Variants in LINGO2 observed in about 807,000 individuals in gnomAD.
The protein encoded by LINGO2 is leucine rich repeat and Ig domain containing 2.
LINGO2 carries 14 observed loss-of-function variants against 30.6 expected under a neutral mutation model. The ratio of observed to expected loss-of-function variants is 0.46; its 90% CI spans 0.30 to 0.72. The LOEUF (loss-of-function observed/expected upper bound fraction) is 0.72. Among genes scored for constraint, LINGO2 ranks in the 30% least tolerant of loss-of-function variants. LINGO2 has a pLI of 0.07. For synonymous variants in LINGO2, 317 were observed against 288.5 expected, an observed-to-expected ratio of 1.10 and a Z score of -1.00; for missense variants, 729 against 751.7, an observed-to-expected ratio of 0.97 and a Z score of 0.35.
intron 5 of LINGO2, among the ~76,000 whole-genome samples, chr9:28,004,961 G>C (rs1399039039): frequency 6.6e-6 from 1 of 152,180 alleles, no homozygotes; most frequent in Non-Finnish European, 1.5e-5. Flanking sequence ...ATAATGAACA[G>C]TAATGAACAT....
intron 5 of LINGO2, among the ~76,000 whole-genome samples, chr9:28,009,824 A>G (rs1465214429): frequency 1.3e-5 from 2 of 152,198 alleles, no homozygotes; most frequent in African/African-American, 2.4e-5. Context: ...AAAAGTTACT[A>G]TGGTAACATA....
At chr9:27,974,002 CAAGAG>C (rs896944680) in intron 5 of LINGO2, among the ~76,000 whole-genome samples, 101 of 151,842 alleles carry the variant, frequency 6.7e-4, no homozygotes, top group African/African-American at 2.4e-3. Flanking sequence ...CAAATGGACT[CAAGAG>C]TAAGTAAAAA....
chr9:28,227,880 A>T (rs1463159887), intron 4 of LINGO2, among the ~76,000 whole-genome samples: 2 of 152,118 alleles, frequency 1.3e-5, no homozygotes, highest in Non-Finnish European at 2.9e-5. Context: ...CTGAAATGCA[A>T]ACTTGCCCTT....
At chr9:28,898,454 A>G in the LINGO2 span, among the ~76,000 whole-genome samples, 4 of 152,308 alleles carry the variant, frequency 2.6e-5, no homozygotes, top group African/African-American at 9.6e-5. Context: ...AGAAACCCAC[A>G]AAACTTCACA....
At chr9:28,128,897 A>AC (rs1827309612) in intron 4 of LINGO2, among the ~76,000 whole-genome samples, 1 of 152,158 alleles carries the variant, frequency 6.6e-6, no homozygotes, top group African/African-American at 2.4e-5. Flanking sequence ...GGAAAGGCAG[A>AC]CCCACCCTCA....
intron 4 of LINGO2, among the ~76,000 whole-genome samples, chr9:28,085,589 G>T (rs941981454): frequency 6.6e-6 from 1 of 152,070 alleles, no homozygotes; most frequent in Non-Finnish European, 1.5e-5. Flanking sequence ...TGCCTTATTG[G>T]AACCACTGCT....
the LINGO2 span, among the ~76,000 whole-genome samples, chr9:29,152,146 T>C: frequency 1.3e-5 from 2 of 152,034 alleles, no homozygotes; most frequent in Non-Finnish European, 2.9e-5. Flanking sequence ...ATGGCTATTA[T>C]TAAAAAGCAA....
chr9:28,935,568 A>C, the LINGO2 span, among the ~76,000 whole-genome samples: 1 of 152,226 alleles, frequency 6.6e-6, no homozygotes, highest in East Asian at 1.9e-4. Flanking sequence ...TTTCATATAC[A>C]TAGTGATTGG....
the LINGO2 span, among the ~76,000 whole-genome samples, chr9:29,081,521 C>G: frequency 3.9e-5 from 6 of 152,068 alleles, no homozygotes; most frequent in South Asian, 4.1e-4. Flanking sequence ...AAAACTGGCA[C>G]AAGACAGGGG....
At chr9:28,683,273 A>G in the LINGO2 span, among the ~76,000 whole-genome samples, 6 of 152,102 alleles carry the variant, frequency 3.9e-5, no homozygotes, top group Non-Finnish European at 8.8e-5. Flanking sequence ...GACAATCACC[A>G]CTAAGCAAGA....
chr9:28,905,406 G>A, the LINGO2 span, among the ~76,000 whole-genome samples: 2 of 151,574 alleles, frequency 1.3e-5, no homozygotes, highest in East Asian at 1.9e-4. Context: ...CTGATAAGGG[G>A]TTCACATTCA....
At chr9:28,654,991 C>T (rs1476417074) in intron 1 of LINGO2, among the ~76,000 whole-genome samples, 4 of 152,040 alleles carry the variant, frequency 2.6e-5, no homozygotes, top group Non-Finnish European at 5.9e-5. Context: ...TACTGAGCTA[C>T]TATTCATAAA....
At chr9:29,209,897 C>G in the LINGO2 span, among the ~76,000 whole-genome samples, 1 of 151,896 alleles carries the variant, frequency 6.6e-6, no homozygotes, top group Non-Finnish European at 1.5e-5. Context: ...ACAACACAAC[C>G]AAATTGGAGA....
chr9:28,959,162 G>A, the LINGO2 span, among the ~76,000 whole-genome samples: 3 of 151,826 alleles, frequency 2.0e-5, no homozygotes, highest in Admixed American at 2.0e-4. Context: ...TGTTGTACAG[G>A]TTTTGAAATC....
chr9:28,272,467 A>G (rs1339992035), intron 4 of LINGO2, among the ~76,000 whole-genome samples: 2 of 151,758 alleles, frequency 1.3e-5, no homozygotes, highest in African/African-American at 4.8e-5. Flanking sequence ...CTCCTTCTCA[A>G]CAGTCAGGTT....
chr9:28,724,999 A>G, the LINGO2 span, among the ~76,000 whole-genome samples: 1 of 152,142 alleles, frequency 6.6e-6, no homozygotes, highest in Non-Finnish European at 1.5e-5. Context: ...TCATTTGAAG[A>G]TAAACAGAAA....
the LINGO2 span, among the ~76,000 whole-genome samples, chr9:28,830,483 C>A: frequency 6.6e-6 from 1 of 152,098 alleles, no homozygotes; most frequent in Admixed American, 6.5e-5. Context: ...ATGAACAAGA[C>A]TGTTCTGTGA....
In LINGO2 at chr9:28,353,409, T is replaced by C. The variant is rs1184597968; in HGVS notation, c.-246+19427A>G. Among the ~76,000 whole-genome samples, 786 of 150,570 alleles carry C rather than the reference T, an allele frequency of 5.2e-3. 17 individuals are homozygous for C. Among genetic ancestry groups the C allele is most frequent in the African/African-American group, 0.018 (732 of 41,044 alleles). ...CAAAAAACACATGAAAAAATGCTCA[T>C]CATCACTGGCCATCAGAGAAATGCA... On this transcript the variant is annotated intron_variant, in intron 3 of 5. Transcript: ENST00000379992.
At chr9:28,820,596 C>T in the LINGO2 span, among the ~76,000 whole-genome samples, 1 of 152,030 alleles carries the variant, frequency 6.6e-6, no homozygotes, top group African/African-American at 2.4e-5. Context: ...TGAGGGCAGG[C>T]CACTTTAAAA....
Sources: allele counts gnomAD v4.1 joint callset (sites outside exome capture counted in the v4.1 genomes callset), GRCh38; gene constraint gnomAD v4.1.1; transcripts MANE v1.5; gene names NCBI Gene and HGNC (gene_info 2026-07-23, HGNC 2026-07-21).